Variants in DCPH1 observed in about 807,000 individuals in gnomAD.
DCPH1 encodes damage-control phosphatase 1.
At chr6:151,458,576 C>G in the DCPH1 span, 2 of 1,589,782 alleles carry the variant, frequency 1.3e-6, no homozygotes, top group Non-Finnish European at 1.7e-6. Flanking sequence ...TCCAGAGGTA[C>G]GTGTGTAATC....
At chr6:151,464,212 A>G in the DCPH1 span, among the ~76,000 whole-genome samples, 3 of 152,212 alleles carry the variant, frequency 2.0e-5, no homozygotes, top group Non-Finnish European at 2.9e-5. Flanking sequence ...CACTATCACT[A>G]TTTAATATGT....
At chr6:151,468,996 A>G in the DCPH1 span, 1 of 1,614,256 alleles carries the variant, frequency 6.2e-7, no homozygotes. Flanking sequence ...GAACATTAAA[A>G]GCTGAAATTC....
At chr6:151,455,565 T>C in the DCPH1 span, among the ~76,000 whole-genome samples, 3 of 152,240 alleles carry the variant, frequency 2.0e-5, no homozygotes, top group African/African-American at 7.2e-5. Context: ...TACAAAGCAG[T>C]ATTGCTGCCC....
chr6:151,464,630 C>G, the DCPH1 span: 2 of 1,569,780 alleles, frequency 1.3e-6, no homozygotes, highest in South Asian at 2.3e-5. Context: ...TAAATGTGAT[C>G]ATTAATCTTC....
chr6:151,457,437 ATAGT>A, the DCPH1 span, among the ~76,000 whole-genome samples: 6 of 152,344 alleles, frequency 3.9e-5, no homozygotes, highest in Admixed American at 3.3e-4. Flanking sequence ...GTTGGAATTT[ATAGT>A]TAAAGAGTTG....
At chr6:151,458,869 G>C in the DCPH1 span, among the ~76,000 whole-genome samples, 2 of 152,210 alleles carry the variant, frequency 1.3e-5, no homozygotes, top group East Asian at 3.8e-4. Context: ...CAGGCCCTGA[G>C]GTTCATGCTT....
At chr6:151,455,738 C>G in the DCPH1 span, among the ~76,000 whole-genome samples, 1 of 152,174 alleles carries the variant, frequency 6.6e-6, no homozygotes, top group Non-Finnish European at 1.5e-5. Context: ...TTACACTAAT[C>G]CTCCTCAGCA....
chr6:151,452,508 TG>T, the DCPH1 span: 92 of 1,609,842 alleles, frequency 5.7e-5, no homozygotes, highest in Non-Finnish European at 7.6e-5. Context: ...CTGCGGCGAT[TG>T]AACAGCCGAG....
At chr6:151,452,749 G>A in the DCPH1 span, 1 of 628,080 alleles carries the variant, frequency 1.6e-6, no homozygotes, top group Non-Finnish European at 2.6e-6. Flanking sequence ...GGACTGGCTC[G>A]GAGGCGAAGG....
the DCPH1 span, among the ~76,000 whole-genome samples, chr6:151,462,366 G>A: frequency 6.6e-6 from 1 of 152,216 alleles, no homozygotes; most frequent in South Asian, 2.1e-4. Context: ...ACTCCTCAAG[G>A]ATAACCATTG....
the DCPH1 span, among the ~76,000 whole-genome samples, chr6:151,466,305 G>T: frequency 1.5e-4 from 23 of 151,402 alleles, no homozygotes; most frequent in African/African-American, 5.6e-4. Context: ...AAAAAAAAAA[G>T]ACTGGCATGC....
At chr6:151,464,857 T>C in the DCPH1 span, among the ~76,000 whole-genome samples, 1 of 152,242 alleles carries the variant, frequency 6.6e-6, no homozygotes, top group East Asian at 1.9e-4. Flanking sequence ...CTGTCATACT[T>C]GAGAGAATAC....
the DCPH1 span, among the ~76,000 whole-genome samples, chr6:151,459,521 G>A: frequency 1.3e-5 from 2 of 152,154 alleles, no homozygotes; most frequent in African/African-American, 2.4e-5. Context: ...ACCAGGCGTG[G>A]TGGCTCATGC....
chr6:151,468,523 A>G, the DCPH1 span: 6 of 1,613,672 alleles, frequency 3.7e-6, no homozygotes, highest in African/African-American at 1.3e-5. Flanking sequence ...TTCTGCTACT[A>G]GAGTGTATAT....
the DCPH1 span, among the ~76,000 whole-genome samples, chr6:151,467,341 A>G: frequency 6.6e-6 from 1 of 151,648 alleles, no homozygotes; most frequent in Admixed American, 6.6e-5. Flanking sequence ...GCTCATGCTT[A>G]TAATCTCAGC....
the DCPH1 span, among the ~76,000 whole-genome samples, chr6:151,462,447 G>A: frequency 6.6e-6 from 1 of 152,112 alleles, no homozygotes; most frequent in Admixed American, 6.5e-5. Flanking sequence ...ATAGTTTTGT[G>A]TCTGGCTTCT....
At chr6:151,452,661 G>A in the DCPH1 span, 3 of 1,424,492 alleles carry the variant, frequency 2.1e-6, no homozygotes, top group South Asian at 1.3e-5. Flanking sequence ...ACTAAGCGGA[G>A]GGCGCCCGCT....
At chr6:151,462,513 T>G in the DCPH1 span, among the ~76,000 whole-genome samples, 14 of 151,888 alleles carry the variant, frequency 9.2e-5, no homozygotes, top group Admixed American at 3.9e-4. Context: ...TAATTATAGA[T>G]CATTCATTCT....
the DCPH1 span, among the ~76,000 whole-genome samples, chr6:151,457,402 C>T: frequency 6.6e-6 from 1 of 152,136 alleles, no homozygotes; most frequent in African/African-American, 2.4e-5. Flanking sequence ...TAAAAGGGTG[C>T]CTGACACCCT....
Sources: allele counts gnomAD v4.1 joint callset (sites outside exome capture counted in the v4.1 genomes callset), GRCh38; gene constraint gnomAD v4.1.1; transcripts MANE v1.5; gene names NCBI Gene and HGNC (gene_info 2026-07-23, HGNC 2026-07-21).